MCC: variants seen among roughly 807,000 people sequenced by gnomAD.
MCC encodes the protein colorectal mutant cancer protein.
Under a neutral mutation model 116.2 loss-of-function variants are expected in MCC, and 90 were observed. That is an observed-to-expected ratio of 0.77 (90% CI 0.65 to 0.92). The LOEUF (loss-of-function observed/expected upper bound fraction) is 0.92. Among genes scored for constraint, MCC ranks in the 40% least tolerant of loss-of-function variants. MCC has a pLI of 0.00. For missense variants in MCC, 1,516 were observed against 1,312.2 expected (o/e 1.16, Z -2.40); for synonymous variants, 578 against 510.5 (o/e 1.13, Z -1.78).
intron 3 of MCC, among the ~76,000 whole-genome samples, chr5:113,243,523 A>C (rs188842324): frequency 1.1e-3 from 172 of 152,322 alleles, no homozygotes; most frequent in Admixed American, 2.5e-3. Context: ...GAAAGAATAA[A>C]AGGTATTAAA....
chr5:113,058,338 G>T (rs1477327573), intron 14 of MCC, among the ~76,000 whole-genome samples: 5 of 152,324 alleles, frequency 3.3e-5, no homozygotes, highest in Non-Finnish European at 5.9e-5. Flanking sequence ...TTTTCCAAGA[G>T]GGGTCCCGGG....
At chr5:113,363,095 C>T (rs1208101001) in intron 2 of MCC, among the ~76,000 whole-genome samples, 7 of 151,924 alleles carry the variant, frequency 4.6e-5, no homozygotes, top group African/African-American at 4.8e-5. Flanking sequence ...CTGGCCAACA[C>T]GGCAAAACCC....
chr5:113,204,653 A>AGGCAGAAAACCATGGCT (rs1211250283), intron 3 of MCC: 1 of 152,254 alleles, frequency 6.6e-6, no homozygotes, highest in African/African-American at 2.4e-5. Context: ...ACAATGCTCC[A>AGGCAGAAAACCATGGCT]GGCAGAAAAC....
At chr5:113,364,238 G>GAAAAAAAAAAAAAAAAAAAAAC in intron 2 of MCC, among the ~76,000 whole-genome samples, 1 of 49,422 alleles carries the variant, frequency 2.0e-5, no homozygotes, top group Non-Finnish European at 3.6e-5. Context: ...CTCAAAAACA[G>GAAAAAAAAAAAAAAAAAAAAAC]AAAAAAAAAA....
chr5:113,256,191 G>GA (rs1316840601), intron 3 of MCC, among the ~76,000 whole-genome samples: 1 of 151,874 alleles, frequency 6.6e-6, no homozygotes, highest in African/African-American at 2.4e-5. Flanking sequence ...TTAGTAGAGT[G>GA]ATTCCTGGTT....
At chr5:113,079,339 C>T (rs568065766) in intron 11 of MCC, among the ~76,000 whole-genome samples, 1 of 152,240 alleles carries the variant, frequency 6.6e-6, no homozygotes, top group East Asian at 1.9e-4. Flanking sequence ...AAAAAGAGCC[C>T]ACATTGCTAA....
chr5:113,406,614 T>C (rs1769842066), intron 1 of MCC, among the ~76,000 whole-genome samples: 1 of 152,214 alleles, frequency 6.6e-6, no homozygotes, highest in South Asian at 2.1e-4. Context: ...AAACCATCTT[T>C]TTTTTCAAAT....
intron 2 of MCC, among the ~76,000 whole-genome samples, chr5:113,372,908 G>A (rs1042977567): frequency 6.6e-6 from 1 of 152,172 alleles, no homozygotes; most frequent in Non-Finnish European, 1.5e-5. Context: ...TCCGGGCGTG[G>A]TGGCTCAAGC....
chr5:113,081,821 A>T (rs1754876358), intron 11 of MCC, among the ~76,000 whole-genome samples: 1 of 152,222 alleles, frequency 6.6e-6, no homozygotes, highest in African/African-American at 2.4e-5. Context: ...AACAGCTTCA[A>T]TCAGGCAGGA....
intron 3 of MCC, among the ~76,000 whole-genome samples, chr5:113,193,375 C>G (rs540333625): frequency 5.9e-5 from 9 of 152,202 alleles, no homozygotes; most frequent in African/African-American, 1.7e-4. Flanking sequence ...GGTGGGCAGG[C>G]ATTCAACCCA....
chr5:113,277,314 G>T (rs931886378), intron 3 of MCC, among the ~76,000 whole-genome samples: 1 of 151,482 alleles, frequency 6.6e-6, no homozygotes, highest in Non-Finnish European at 1.5e-5. Flanking sequence ...GTTGCAGTGA[G>T]CCGAGATTGT....
At chr5:113,280,120 A>G (rs1020427454) in intron 3 of MCC, among the ~76,000 whole-genome samples, 1 of 152,176 alleles carries the variant, frequency 6.6e-6, no homozygotes, top group African/African-American at 2.4e-5. Context: ...AGCCAAGTTC[A>G]GATACTCTCA....
chr5:113,192,472 C>T (rs1443330934), intron 3 of MCC, among the ~76,000 whole-genome samples: 3 of 152,170 alleles, frequency 2.0e-5, no homozygotes, highest in Non-Finnish European at 4.4e-5. Flanking sequence ...AGCACCTATA[C>T]CCCCTACCTT....
intron 14 of MCC, among the ~76,000 whole-genome samples, chr5:113,061,722 C>G (rs567358745): frequency 2.0e-5 from 3 of 152,288 alleles, no homozygotes; most frequent in African/African-American, 7.2e-5. Context: ...CAATACTCAG[C>G]GTTTCTTTCC....
chr5:113,238,189 A>C (rs1764222679), intron 3 of MCC, among the ~76,000 whole-genome samples: 1 of 152,212 alleles, frequency 6.6e-6, no homozygotes, highest in Non-Finnish European at 1.5e-5. Context: ...GGGTAGAGGC[A>C]CCACTGTTGA....
intron 4 of MCC, among the ~76,000 whole-genome samples, chr5:113,144,587 A>G (rs1184334039): frequency 6.6e-6 from 1 of 152,190 alleles, no homozygotes; most frequent in Non-Finnish European, 1.5e-5. Flanking sequence ...AAGGCTTTCA[A>G]CGATAAACTG....
At chr5:113,470,684 A>G (rs1449582159) in intron 1 of MCC, among the ~76,000 whole-genome samples, 2 of 151,742 alleles carry the variant, frequency 1.3e-5, no homozygotes, top group East Asian at 3.9e-4. Context: ...CTCGAGGAGT[A>G]TCTTTGTGGC....
chr5:113,184,479 GT>G (rs11303638), intron 3 of MCC, among the ~76,000 whole-genome samples: 52,560 of 114,430 alleles, frequency 0.46, 9,578 homozygotes, highest in East Asian at 0.57. Flanking sequence ...TTCGTTTTTT[GT>G]TTTTTTTTTT....
intron 3 of MCC, among the ~76,000 whole-genome samples, chr5:113,313,181 C>T (rs2150368613): frequency 6.6e-6 from 1 of 152,144 alleles, no homozygotes; most frequent in East Asian, 1.9e-4. Flanking sequence ...CCCGTCTCTA[C>T]TAAAAATACC....
Sources: allele counts gnomAD v4.1 joint callset (sites outside exome capture counted in the v4.1 genomes callset), GRCh38; gene constraint gnomAD v4.1.1; transcripts MANE v1.5; gene names NCBI Gene and HGNC (gene_info 2026-07-23, HGNC 2026-07-21).